PRR16: variants seen among roughly 807,000 people sequenced by gnomAD.
The protein encoded by PRR16 is protein Largen.
A neutral mutation model predicts 18.2 loss-of-function variants in PRR16; 6 were observed. The observed-to-expected ratio is 0.33, with a 90% CI of 0.18 to 0.65. The LOEUF (loss-of-function observed/expected upper bound fraction) is 0.65, where lower values mean the gene tolerates loss of function less well. Ranked by LOEUF, PRR16 falls within the 30% of genes least tolerant of loss-of-function variation. The probability of loss-of-function intolerance (pLI) is 0.74; values close to 1 mark genes in which losing one functional copy is unlikely to be tolerated. For synonymous variants in PRR16, 151 were observed against 147.8 expected (o/e 1.02, Z -0.16); for missense variants, 412 against 376.6 (o/e 1.09, Z -0.78).
intron 1 of PRR16, among the ~76,000 whole-genome samples, chr5:120,553,416 G>T (rs982902404): frequency 6.6e-6 from 1 of 151,766 alleles, no homozygotes; most frequent in Non-Finnish European, 1.5e-5. Context: ...CTGAATTTTG[G>T]CAGCTTCTTG....
the PRR16 span, among the ~76,000 whole-genome samples, chr5:120,766,031 T>C: frequency 6.6e-6 from 1 of 152,038 alleles, no homozygotes; most frequent in Non-Finnish European, 1.5e-5. Context: ...ATAAGTGGCC[T>C]TTGCAGTTTA....
At chr5:120,485,472 A>T (rs1225931052) in intron 1 of PRR16, among the ~76,000 whole-genome samples, 1 of 152,210 alleles carries the variant, frequency 6.6e-6, no homozygotes, top group Non-Finnish European at 1.5e-5. Flanking sequence ...CATTGACGTG[A>T]TTATCTACAT....
the PRR16 span, chr5:120,710,839 T>C: frequency 1.3e-5 from 2 of 152,190 alleles, no homozygotes; most frequent in African/African-American, 4.8e-5. Flanking sequence ...CTTTGTGAAG[T>C]TTGTATTATC....
At chr5:120,656,555 T>C (rs1046062044) in intron 1 of PRR16, among the ~76,000 whole-genome samples, 5 of 151,514 alleles carry the variant, frequency 3.3e-5, no homozygotes, top group African/African-American at 9.7e-5. Context: ...TGCCAATATC[T>C]AAAATCCAGT....
the PRR16 span, among the ~76,000 whole-genome samples, chr5:120,727,416 G>A: frequency 6.6e-6 from 1 of 152,004 alleles, no homozygotes; most frequent in African/African-American, 2.4e-5. Context: ...AACTCCATAT[G>A]GGTATCCTGA....
intron 1 of PRR16, among the ~76,000 whole-genome samples, chr5:120,477,813 G>A (rs769439858): frequency 2.0e-5 from 3 of 151,936 alleles, no homozygotes; most frequent in East Asian, 1.9e-4. Flanking sequence ...CACAGTAGTC[G>A]GCTGTTACAG....
chr5:120,767,113 C>G, the PRR16 span, among the ~76,000 whole-genome samples: 2 of 151,974 alleles, frequency 1.3e-5, no homozygotes, highest in South Asian at 4.1e-4. Context: ...AACTGGATAA[C>G]AACATTTTGA....
intron 1 of PRR16, among the ~76,000 whole-genome samples, chr5:120,485,904 G>GT (rs1441853782): frequency 2.6e-5 from 4 of 152,064 alleles, no homozygotes; most frequent in Non-Finnish European, 4.4e-5. Context: ...GCGACATTTG[G>GT]TTTTTTGTCC....
At chr5:120,598,699 G>C (rs1036623069) in intron 1 of PRR16, among the ~76,000 whole-genome samples, 1 of 151,806 alleles carries the variant, frequency 6.6e-6, no homozygotes, top group South Asian at 2.1e-4. Context: ...TTTTCCGTTT[G>C]TGTTAGCTGA....
At chr5:120,512,858 G>C (rs1224678734) in intron 1 of PRR16, among the ~76,000 whole-genome samples, 1 of 152,094 alleles carries the variant, frequency 6.6e-6, no homozygotes, top group Non-Finnish European at 1.5e-5. Flanking sequence ...GTGTTCAAAA[G>C]AATAAGACAG....
At chr5:120,696,771 C>T in the PRR16 span, among the ~76,000 whole-genome samples, 1 of 151,932 alleles carries the variant, frequency 6.6e-6, no homozygotes, top group African/African-American at 2.4e-5. Context: ...GAAAAATAAA[C>T]AAAATTAAGA....
intron 1 of PRR16, among the ~76,000 whole-genome samples, chr5:120,511,798 T>C (rs1199786373): frequency 1.3e-5 from 2 of 151,850 alleles, no homozygotes; most frequent in Non-Finnish European, 1.5e-5. Context: ...TTTGACACAG[T>C]TTAGTGTCGA....
At chr5:120,525,372 AT>A (rs1336384477) in intron 1 of PRR16, among the ~76,000 whole-genome samples, 1 of 152,068 alleles carries the variant, frequency 6.6e-6, no homozygotes, top group African/African-American at 2.4e-5. Flanking sequence ...TTAAATATGA[AT>A]TGTAGCTTCA....
chr5:120,506,460 T>G lies in PRR16; in HGVS notation c.159+41815T>G, dbSNP rs536558454. 2.6e-5 allele frequency among the ~76,000 whole-genome samples: 4 copies of G among 152,260 alleles called. No homozygotes were observed. In the South Asian group the frequency reaches 8.3e-4, roughly 32 times the overall value. On this transcript the variant is annotated intron_variant, in intron 1 of 1. Coordinates refer to ENST00000407149, the MANE Select transcript of PRR16 (RefSeq NM_001300783.2). The stretch of plus-strand genomic sequence containing the variant: ...AGCTCAACTGATTTGTATCAGTTAG[T>G]ACTGTATTCAGCCATGAATTATGGA...
chr5:120,754,370 A>ATAAC, the PRR16 span, among the ~76,000 whole-genome samples: 196 of 57,052 alleles, frequency 3.4e-3, 1 homozygote, highest in African/African-American at 0.014. Flanking sequence ...ATAAATATAT[A>ATAAC]ATATATAACA....
At chr5:120,565,959 C>T (rs1429763031) in intron 1 of PRR16, among the ~76,000 whole-genome samples, 1 of 152,194 alleles carries the variant, frequency 6.6e-6, no homozygotes, top group Non-Finnish European at 1.5e-5. Flanking sequence ...CAGATCACAA[C>T]ATATTCTGTG....
chr5:120,703,669 G>A, the PRR16 span, among the ~76,000 whole-genome samples: 1 of 152,190 alleles, frequency 6.6e-6, no homozygotes, highest in African/African-American at 2.4e-5. Flanking sequence ...TTAATGTGTT[G>A]TTCCTTGCAA....
At chr5:120,611,975 C>T (rs2112806841) in intron 1 of PRR16, among the ~76,000 whole-genome samples, 1 of 152,218 alleles carries the variant, frequency 6.6e-6, no homozygotes, top group African/African-American at 2.4e-5. Flanking sequence ...GGGGGCGGAG[C>T]TGCCCAAGAC....
At chr5:120,642,543 G>T (rs956590012) in intron 1 of PRR16, among the ~76,000 whole-genome samples, 1 of 151,934 alleles carries the variant, frequency 6.6e-6, no homozygotes, top group African/African-American at 2.4e-5. Flanking sequence ...CTTGTTGCTT[G>T]GTATGTAAAC....
Sources: allele counts gnomAD v4.1 joint callset (sites outside exome capture counted in the v4.1 genomes callset), GRCh38; gene constraint gnomAD v4.1.1; transcripts MANE v1.5; gene names NCBI Gene and HGNC (gene_info 2026-07-23, HGNC 2026-07-21).